The following PVT1 variants were observed in gnomAD, a reference collection of about 807,000 sequenced individuals.
PVT1 encodes Pvt1 oncogene.
intron 4 of PVT1, among the ~76,000 whole-genome samples, chr8:127,990,720 C>T (rs1789729772): frequency 6.6e-6 from 1 of 152,210 alleles, no homozygotes; most frequent in Non-Finnish European, 1.5e-5. Context: ...TTCAAAAGCG[C>T]ATTTGCGTTT....
At chr8:128,087,770 T>TTTTTTTTTTG (rs370583568) in intron 5 of PVT1, among the ~76,000 whole-genome samples, 6 of 115,592 alleles carry the variant, frequency 5.2e-5, no homozygotes, top group Non-Finnish European at 7.0e-5. Flanking sequence ...TTTTTTTTTT[T>TTTTTTTTTTG]GAGATGGAGT....
intron 3 of PVT1, among the ~76,000 whole-genome samples, chr8:127,927,751 C>T (rs1213572806): frequency 6.6e-6 from 1 of 152,106 alleles, no homozygotes; most frequent in Non-Finnish European, 1.5e-5. Context: ...CCGTGCTGAC[C>T]CCCCAACCAC....
intron 2 of PVT1, among the ~76,000 whole-genome samples, chr8:127,805,336 A>C (rs2129650057): frequency 6.6e-6 from 1 of 152,150 alleles, no homozygotes; most frequent in South Asian, 2.1e-4. Context: ...GCCTGTTTAT[A>C]TAGATTATGT....
At chr8:128,055,460 G>A (rs907059755) in intron 4 of PVT1, among the ~76,000 whole-genome samples, 3 of 152,180 alleles carry the variant, frequency 2.0e-5, no homozygotes, top group East Asian at 1.9e-4. Context: ...GACAATGAAT[G>A]TAATGCACTT....
At chr8:127,857,042 A>G (rs749889201) in intron 2 of PVT1, among the ~76,000 whole-genome samples, 1 of 152,078 alleles carries the variant, frequency 6.6e-6, no homozygotes, top group Non-Finnish European at 1.5e-5. Context: ...CCTGGCCAAC[A>G]TGGCGAAACC....
intron 4 of PVT1, among the ~76,000 whole-genome samples, chr8:128,060,655 C>T (rs1213543394): frequency 6.6e-6 from 1 of 152,126 alleles, no homozygotes; most frequent in Non-Finnish European, 1.5e-5. Context: ...GTCCTTAGGC[C>T]ACAATGCCAA....
chr8:127,992,706 C>G (rs1257346312), intron 4 of PVT1, among the ~76,000 whole-genome samples: 1 of 152,210 alleles, frequency 6.6e-6, no homozygotes, highest in Non-Finnish European at 1.5e-5. Context: ...TCTTGCTCAC[C>G]CCTGGCCCTG....
At chr8:127,961,401 G>A (rs777368343) in intron 3 of PVT1, among the ~76,000 whole-genome samples, 6 of 152,170 alleles carry the variant, frequency 3.9e-5, no homozygotes, top group Non-Finnish European at 8.8e-5. Flanking sequence ...AGGAAGGAAG[G>A]GGTAAAATGT....
At chr8:128,061,022 G>T (rs1474575988) in intron 4 of PVT1, among the ~76,000 whole-genome samples, 2 of 149,594 alleles carry the variant, frequency 1.3e-5, no homozygotes, top group Non-Finnish European at 2.9e-5. Flanking sequence ...TGATTCTCCT[G>T]CCTCAGCCTC....
chr8:127,908,116 C>T (rs16902461), intron 3 of PVT1, among the ~76,000 whole-genome samples: 5,273 of 152,076 alleles, frequency 0.035, 331 homozygotes, highest in African/African-American at 0.12. Flanking sequence ...TTTTGGAATT[C>T]GCCTTCTTTT....
intron 3 of PVT1, among the ~76,000 whole-genome samples, chr8:127,924,473 A>G (rs1353925333): frequency 1.3e-5 from 2 of 149,140 alleles, no homozygotes; most frequent in East Asian, 3.9e-4. Context: ...AGCTGAGACT[A>G]CAGGCACACA....
In PVT1 at chr8:128,024,434, G is replaced by A. The variant is rs557860536; in HGVS notation, n.912+35143G>A. ...GCCCAGGAATTCCAGATCAGCCTGG[G>A]CAACATGGTGAGACCCTGTTTCTAC... On this transcript the variant is annotated intron_variant and non_coding_transcript_variant, in intron 4 of 10. Transcript: ENST00000651587. Among the ~76,000 whole-genome samples, 3 of 151,860 alleles carry A rather than the reference G, an allele frequency of 2.0e-5. No homozygotes were observed. In the South Asian group the frequency reaches 6.2e-4, roughly 32 times the overall value.
chr8:127,851,760 G>A (rs1343409741), intron 2 of PVT1, among the ~76,000 whole-genome samples: 6 of 152,144 alleles, frequency 3.9e-5, no homozygotes, highest in Admixed American at 3.9e-4. Flanking sequence ...TGCAGGCTGT[G>A]GAGACTCTAG....
At chr8:127,993,064 T>C (rs1817061760) in intron 4 of PVT1, among the ~76,000 whole-genome samples, 1 of 152,230 alleles carries the variant, frequency 6.6e-6, no homozygotes, top group African/African-American at 2.4e-5. Flanking sequence ...ATTGGCCCAT[T>C]TCTCTATTAC....
intron 2 of PVT1, among the ~76,000 whole-genome samples, chr8:127,880,390 C>T (rs953911170): frequency 6.7e-6 from 1 of 149,032 alleles, no homozygotes; most frequent in Non-Finnish European, 1.5e-5. Context: ...TCCGGGTTCA[C>T]GCCATTCTCC....
At chr8:127,965,388 C>T (rs1453880135) in intron 3 of PVT1, among the ~76,000 whole-genome samples, 20 of 152,196 alleles carry the variant, frequency 1.3e-4, no homozygotes, top group Admixed American at 1.3e-3. Context: ...CCCTACCCCT[C>T]ACAGCGTCAG....
At chr8:127,950,055 G>T (rs1563648052) in intron 3 of PVT1, among the ~76,000 whole-genome samples, 1 of 152,242 alleles carries the variant, frequency 6.6e-6, no homozygotes, top group Non-Finnish European at 1.5e-5. Context: ...CCATTAGAAA[G>T]CTCATTTATT....
At chr8:127,971,787 C>G (rs2129964590) in intron 3 of PVT1, among the ~76,000 whole-genome samples, 1 of 152,322 alleles carries the variant, frequency 6.6e-6, no homozygotes, top group South Asian at 2.1e-4. Flanking sequence ...GTGCATGGAA[C>G]ATTCTTAGCA....
chr8:127,796,489 G>A (rs924233380), intron 2 of PVT1, among the ~76,000 whole-genome samples: 38 of 150,650 alleles, frequency 2.5e-4, no homozygotes, highest in Non-Finnish European at 5.3e-4. Context: ...TTTTTTTTCC[G>A]CCTCCTGAGC....
Sources: allele counts gnomAD v4.1 joint callset (sites outside exome capture counted in the v4.1 genomes callset), GRCh38; gene constraint gnomAD v4.1.1; transcripts MANE v1.5; gene names NCBI Gene and HGNC (gene_info 2026-07-23, HGNC 2026-07-21).